The following DMD variants were observed in gnomAD, a reference collection of about 807,000 sequenced individuals.
DMD encodes the protein dystrophin.
DMD carries 63 observed loss-of-function variants against 330.1 expected under a neutral mutation model. The observed-to-expected ratio is 0.19, with a 90% CI of 0.16 to 0.24. The LOEUF is 0.24. Among genes scored for constraint, DMD ranks in the 10% least tolerant of loss-of-function variants. The pLI, the probability that DMD is intolerant of heterozygous loss-of-function variation, is 1.00. For missense variants in DMD, 3,344 were observed against 2,684.1 expected, an observed-to-expected ratio of 1.25 and a Z score of -5.43; for synonymous variants, 1,223 against 959.8, an observed-to-expected ratio of 1.27 and a Z score of -5.07.
intron 1 of DMD, among the ~76,000 whole-genome samples, chrX:33,197,030 T>C (rs998800160): frequency 1.8e-5 from 2 of 111,290 alleles, no homozygotes; most frequent in Non-Finnish European, 3.8e-5. Flanking sequence ...ACGGCCTCCA[T>C]CATCATGATA....
At chrX:33,007,098 T>C (rs911411527) in intron 2 of DMD, among the ~76,000 whole-genome samples, 3 of 111,141 alleles carry the variant, frequency 2.7e-5, no homozygotes, top group African/African-American at 9.8e-5. Flanking sequence ...TCTCTACTTC[T>C]ACCTTTACAT....
chrX:32,057,342 A>G (rs1368488253), intron 44 of DMD, among the ~76,000 whole-genome samples: 1 of 111,455 alleles, frequency 9.0e-6, no homozygotes. Context: ...CTGTTTGCAA[A>G]TTAGATGATC....
intron 1 of DMD, among the ~76,000 whole-genome samples, chrX:33,296,493 A>G (rs1222176480): frequency 9.0e-6 from 1 of 110,831 alleles, no homozygotes; most frequent in African/African-American, 3.3e-5. Context: ...TCAATATAAT[A>G]TGAATTCCAG....
intron 48 of DMD, among the ~76,000 whole-genome samples, chrX:31,854,754 C>T (rs73464086): frequency 9.0e-6 from 1 of 111,348 alleles, no homozygotes; most frequent in African/African-American, 3.3e-5. Context: ...AAAGTAGTTT[C>T]GATTAGGATG....
intron 4 of DMD, among the ~76,000 whole-genome samples, chrX:32,823,769 C>A (rs1328594578): frequency 8.9e-6 from 1 of 111,737 alleles, no homozygotes; most frequent in Non-Finnish European, 1.9e-5. Flanking sequence ...TTAAGGCTGA[C>A]TGCATTTTAG....
intron 15 of DMD, among the ~76,000 whole-genome samples, chrX:32,567,447 G>T (rs767780479): frequency 8.9e-6 from 1 of 111,911 alleles, no homozygotes; most frequent in South Asian, 3.7e-4. Context: ...GCCCAGGCTG[G>T]AGTGCAGTGG....
chrX:32,991,743 A>T (rs1414354240), intron 2 of DMD, among the ~76,000 whole-genome samples: 1 of 111,938 alleles, frequency 8.9e-6, no homozygotes, highest in Non-Finnish European at 1.9e-5. Context: ...CAAATGTTTT[A>T]TGACTTAAAA....
chrX:33,134,464 G>C (rs894830053), intron 1 of DMD, among the ~76,000 whole-genome samples: 1 of 112,119 alleles, frequency 8.9e-6, no homozygotes, highest in African/African-American at 3.2e-5. Flanking sequence ...TCCAGTCTCA[G>C]AGAATGATCT....
At chrX:33,080,409 C>T (rs1245997930) in intron 1 of DMD, among the ~76,000 whole-genome samples, 1 of 111,319 alleles carries the variant, frequency 9.0e-6, no homozygotes, top group Admixed American at 9.6e-5. Context: ...ATTACATTCT[C>T]TTCAACAAAA....
At chrX:31,640,307 T>A (rs761450224) in intron 54 of DMD, among the ~76,000 whole-genome samples, 1 of 112,676 alleles carries the variant, frequency 8.9e-6, no homozygotes, top group Non-Finnish European at 1.9e-5. Flanking sequence ...ACAATTTTGC[T>A]GTGGCAAAAA....
rs1249053345 is a variant in DMD, at chrX:32,997,196, G to A, written c.93+22943C>T. Among the ~76,000 whole-genome samples, 4 of 109,836 alleles carry A rather than the reference G, an allele frequency of 3.6e-5. No homozygotes were observed. The East Asian group carries it at 1.2e-3, about 32-fold the overall frequency. On this transcript the variant is annotated intron_variant, in intron 2 of 78. Coordinates refer to ENST00000357033, the MANE Select transcript of DMD (RefSeq NM_004006.3). Reference sequence around the variant, plus strand: ...AAAAAATTTTGTATTTTTAATTTTTGTGGGTACACTGTAGGTGTATAAATT... The same window carrying A: ...AAAAAATTTTGTATTTTTAATTTTTATGGGTACACTGTAGGTGTATAAATT...
intron 44 of DMD, among the ~76,000 whole-genome samples, chrX:32,146,721 G>A (rs1661125241): frequency 8.9e-6 from 1 of 112,003 alleles, no homozygotes; most frequent in Non-Finnish European, 1.9e-5. Context: ...CTAATAATGA[G>A]AGCAATCATC....
At chrX:32,999,086 A>G (rs1473460152) in intron 2 of DMD, among the ~76,000 whole-genome samples, 1 of 112,541 alleles carries the variant, frequency 8.9e-6, no homozygotes, top group Non-Finnish European at 1.9e-5. Context: ...CCAGAAAACA[A>G]ACAAACAAAA....
At chrX:32,617,479 G>C (rs1006248074) in intron 11 of DMD, among the ~76,000 whole-genome samples, 1 of 111,391 alleles carries the variant, frequency 9.0e-6, no homozygotes, top group East Asian at 2.8e-4. Context: ...ACCCTCTTCA[G>C]CAAATGCTAC....
intron 43 of DMD, among the ~76,000 whole-genome samples, chrX:32,244,221 T>A (rs1190743403): frequency 9.4e-6 from 1 of 105,835 alleles, no homozygotes; most frequent in East Asian, 3.1e-4. Context: ...TTTGGTTTTT[T>A]GTTCTTGCGA....
chrX:32,377,383 G>C (rs1179077386), intron 34 of DMD, among the ~76,000 whole-genome samples: 1 of 111,832 alleles, frequency 8.9e-6, no homozygotes, highest in East Asian at 2.8e-4. Flanking sequence ...CAGGTTCCTA[G>C]AGAAGTCAAC....
intron 41 of DMD, among the ~76,000 whole-genome samples, chrX:32,313,238 G>T (rs1400528647): frequency 9.0e-6 from 1 of 110,610 alleles, no homozygotes; most frequent in Admixed American, 9.8e-5. Context: ...TGCAAAGCTG[G>T]TTCAACATAC....
chrX:31,530,139 G>A (rs903249454), intron 55 of DMD, among the ~76,000 whole-genome samples: 2 of 111,514 alleles, frequency 1.8e-5, no homozygotes, highest in Admixed American at 9.5e-5. Flanking sequence ...GCTTTGTGGG[G>A]CTCCCATACT....
intron 2 of DMD, among the ~76,000 whole-genome samples, chrX:32,948,452 C>T (rs188050294): frequency 8.0e-5 from 9 of 111,845 alleles, no homozygotes; most frequent in East Asian, 5.6e-4. Context: ...TAAGAGGAAC[C>T]GGCATTTCTT....
Sources: gnomAD v4.1 joint callset for allele counts (sites outside exome capture counted in the v4.1 genomes callset) on GRCh38, gnomAD v4.1.1 for gene constraint, MANE v1.5 for transcripts, NCBI Gene and HGNC (gene_info 2026-07-23, HGNC 2026-07-21) for gene names.